Variants in SAMD5 observed in about 807,000 individuals in gnomAD.
The protein encoded by SAMD5 is sterile alpha motif domain-containing protein 5.
SAMD5 carries 13 observed loss-of-function variants against 11.3 expected under a neutral mutation model. The observed-to-expected ratio is 1.15, with a 90% CI of 0.75 to 1.83. The LOEUF (loss-of-function observed/expected upper bound fraction) is 1.83, where lower values mean the gene tolerates loss of function less well. SAMD5 is among the 40% of genes most tolerant of loss of function. The pLI, the probability that SAMD5 is intolerant of heterozygous loss-of-function variation, is 0.00. For missense variants in SAMD5, 255 were observed against 239.1 expected (o/e 1.07, Z -0.44); for synonymous variants, 129 against 111.3 (o/e 1.16, Z -1.00).
At chr6:147,539,603 C>T (rs1248844843) in intron 1 of SAMD5, among the ~76,000 whole-genome samples, 1 of 150,638 alleles carries the variant, frequency 6.6e-6, no homozygotes, top group East Asian at 1.9e-4. Flanking sequence ...TTTTTTTTCC[C>T]AAAATGGGGC....
the SAMD5 span, among the ~76,000 whole-genome samples, chr6:147,790,770 TTCTCTCTCTCTCTCTCTC>T: frequency 0.012 from 1,062 of 88,100 alleles, 10 homozygotes; most frequent in African/African-American, 0.018. Flanking sequence ...CTCTCTCTCT[TTCTCTCTCTCTCTCTCTC>T]TCTCTCTCTC....
chr6:147,855,623 T>G, the SAMD5 span, among the ~76,000 whole-genome samples: 6 of 152,116 alleles, frequency 3.9e-5, no homozygotes, highest in Non-Finnish European at 5.9e-5. Context: ...CTCTTATAGT[T>G]TAAGCAGCAA....
At chr6:147,835,365 A>G in the SAMD5 span, among the ~76,000 whole-genome samples, 1 of 152,012 alleles carries the variant, frequency 6.6e-6, no homozygotes, top group Non-Finnish European at 1.5e-5. Flanking sequence ...CCATAGTGAC[A>G]TCTTCCCTCT....
chr6:147,840,756 A>G, the SAMD5 span, among the ~76,000 whole-genome samples: 3 of 152,344 alleles, frequency 2.0e-5, no homozygotes, highest in South Asian at 6.2e-4. Context: ...CTTTCAAATG[A>G]TGTAATAACA....
the SAMD5 span, among the ~76,000 whole-genome samples, chr6:147,763,337 T>G: frequency 6.6e-6 from 1 of 151,800 alleles, no homozygotes; most frequent in Non-Finnish European, 1.5e-5. Flanking sequence ...TTTTTTTGTG[T>G]GTTTTTAGTA....
the SAMD5 span, among the ~76,000 whole-genome samples, chr6:147,898,270 T>TA: frequency 7.9e-5 from 12 of 151,606 alleles, no homozygotes; most frequent in African/African-American, 1.2e-4. Context: ...CTACTCCCTT[T>TA]AAAAAAAAAT....
At chr6:147,621,312 C>T (rs535315864) in intron 1 of SAMD5, among the ~76,000 whole-genome samples, 113 of 152,158 alleles carry the variant, frequency 7.4e-4, no homozygotes, top group Middle Eastern at 3.4e-3. Context: ...GGACAGATGC[C>T]GGAGGTGTTT....
At chr6:147,937,160 C>T in the SAMD5 span, among the ~76,000 whole-genome samples, 1 of 152,158 alleles carries the variant, frequency 6.6e-6, no homozygotes, top group Non-Finnish European at 1.5e-5. Flanking sequence ...CCCTATCAGA[C>T]AAAGAATAGT....
At chr6:147,716,259 G>T (rs1339147089) in intron 1 of SAMD5, among the ~76,000 whole-genome samples, 1 of 152,224 alleles carries the variant, frequency 6.6e-6, no homozygotes, top group African/African-American at 2.4e-5. Flanking sequence ...GTGCATCAGT[G>T]CTGCTCTGGG....
chr6:147,756,684 T>G, the SAMD5 span, among the ~76,000 whole-genome samples: 1 of 152,222 alleles, frequency 6.6e-6, no homozygotes, highest in South Asian at 2.1e-4. Context: ...GAATTGACAT[T>G]AATGTCCTTA....
At chr6:147,768,583 AT>A in the SAMD5 span, among the ~76,000 whole-genome samples, 2 of 152,186 alleles carry the variant, frequency 1.3e-5, no homozygotes, top group Admixed American at 6.5e-5. Flanking sequence ...ATGGTAATAA[AT>A]TGAACTCTTA....
At chr6:147,837,126 C>T in the SAMD5 span, among the ~76,000 whole-genome samples, 3 of 152,088 alleles carry the variant, frequency 2.0e-5, no homozygotes, top group Non-Finnish European at 4.4e-5. Context: ...TAATTATTTT[C>T]TTGTATTGTG....
rs66999338 is a variant in SAMD5, at chr6:147,638,760, ATG to A, written c.163-98553_163-98552del. 4.9e-3 allele frequency among the ~76,000 whole-genome samples: 745 copies of A among 152,336 alleles called. 4 individuals are homozygous for A. Among genetic ancestry groups the A allele is most frequent in the Non-Finnish European group, 8.2e-3 (559 of 68,028 alleles). ...TTGAATGCAGATTTATTCTTCATAA[ATG>A]TGTCAGTTTCAATATTTTCTGTTTT... On this transcript the variant is annotated intron_variant, in intron 1 of 1. Transcript: ENST00000566741.
At chr6:147,587,852 T>G (rs1404631206) in intron 1 of SAMD5, among the ~76,000 whole-genome samples, 3 of 152,150 alleles carry the variant, frequency 2.0e-5, no homozygotes, top group Non-Finnish European at 2.9e-5. Flanking sequence ...TTAACCTCCT[T>G]TCTCTATTTC....
chr6:147,811,567 C>T, the SAMD5 span, among the ~76,000 whole-genome samples: 6 of 151,948 alleles, frequency 3.9e-5, no homozygotes, highest in African/African-American at 1.5e-4. Flanking sequence ...GCTTCCAGGG[C>T]ACAACAAGGA....
At chr6:147,844,338 A>G in the SAMD5 span, among the ~76,000 whole-genome samples, 1 of 152,228 alleles carries the variant, frequency 6.6e-6, no homozygotes, top group African/African-American at 2.4e-5. Flanking sequence ...AAAAGATGAA[A>G]GATAAATGTT....
intron 1 of SAMD5, among the ~76,000 whole-genome samples, chr6:147,577,434 G>A (rs1789232660): frequency 6.6e-6 from 1 of 152,026 alleles, no homozygotes; most frequent in Non-Finnish European, 1.5e-5. Flanking sequence ...TACAATAATT[G>A]CCTCAAATTT....
At chr6:147,725,765 ATGT>A (rs2128459603) in intron 1 of SAMD5, among the ~76,000 whole-genome samples, 1 of 152,260 alleles carries the variant, frequency 6.6e-6, no homozygotes, top group South Asian at 2.1e-4. Flanking sequence ...TGGGAATATT[ATGT>A]TGAAGTGAGT....
chr6:147,915,378 T>C, the SAMD5 span, among the ~76,000 whole-genome samples: 1 of 152,228 alleles, frequency 6.6e-6, no homozygotes, highest in Non-Finnish European at 1.5e-5. Flanking sequence ...TTTGCCATTT[T>C]TCTGTAAATT....
Sources: allele counts gnomAD v4.1 joint callset (sites outside exome capture counted in the v4.1 genomes callset), GRCh38; gene constraint gnomAD v4.1.1; transcripts MANE v1.5; gene names NCBI Gene and HGNC (gene_info 2026-07-23, HGNC 2026-07-21).